The following EFHC1 variants were observed in gnomAD, a reference collection of about 807,000 sequenced individuals.
EFHC1 encodes EF-hand domain-containing protein 1.
In EFHC1, 53 loss-of-function variants were observed where a neutral mutation model predicts 69.9. The ratio of observed to expected loss-of-function variants is 0.76; its 90% confidence interval spans 0.61 to 0.95. The LOEUF is 0.95. Ranked by LOEUF, EFHC1 falls within the 40% of genes least tolerant of loss-of-function variation. The pLI is 0.00. For synonymous variants in EFHC1, 256 were observed against 278.4 expected, an observed-to-expected ratio of 0.92 and a Z score of 0.80; for missense variants, 739 against 798.7, an observed-to-expected ratio of 0.93 and a Z score of 0.90.
chr6:52,464,188 A>T (rs1765240896), intron 5 of EFHC1, among the ~76,000 whole-genome samples: 1 of 152,232 alleles, frequency 6.6e-6, no homozygotes, highest in Non-Finnish European at 1.5e-5. Flanking sequence ...TGAAACAGTA[A>T]GACAAGAATG....
At chr6:52,434,711 A>G (rs1032626637) in intron 2 of EFHC1, among the ~76,000 whole-genome samples, 3 of 152,334 alleles carry the variant, frequency 2.0e-5, no homozygotes, top group African/African-American at 2.4e-5. Context: ...TCCATCTGCC[A>G]TGATTCCAGG....
chr6:52,494,467 G>A lies in EFHC1; in HGVS notation c.*2126G>A, dbSNP rs774692417. 5.1e-5 allele frequency: 23 copies of A among 454,000 alleles called. No homozygotes were observed. Among genetic ancestry groups the A allele is most frequent in the Admixed American group, 1.6e-4 (7 of 42,546 alleles). 28.1% of individuals were successfully genotyped at this position (454,000 alleles called of 1,614,324 possible). On this transcript the variant is annotated 3_prime_UTR_variant, in exon 11 of 11. Transcript: ENST00000371068. Reference sequence around the variant, plus strand: ...ATGTAGGCTCTGGGAAAGGTTAAGCGGGTAGAAACCAGAGAAAAAGGGCAA... The same window carrying A: ...ATGTAGGCTCTGGGAAAGGTTAAGCAGGTAGAAACCAGAGAAAAAGGGCAA...
rs115035804 is a variant in EFHC1 at position 52,492,818 on chromosome 6, G to C, written c.*477G>C. 5 of 440,910 alleles carry C rather than the reference G, an allele frequency of 1.1e-5. No homozygotes were observed. The highest frequency in any genetic ancestry group is 9.9e-5 in the Admixed American group (4 of 40,606). The allele number at this position is 440,910 out of a possible 1,614,324, so 27.3% of individuals were successfully genotyped here. ...ATTTTGTAGAGACAAGGTCTTGCTA[G>C]GTTGCCTGAACTTGTCTCAAACTCA... On this transcript the variant is annotated 3_prime_UTR_variant, in exon 11 of 11. Coordinates refer to ENST00000371068, the MANE Select transcript of EFHC1 (RefSeq NM_018100.4).
chr6:52,491,261 C>T (rs1765896393), intron 10 of EFHC1, among the ~76,000 whole-genome samples: 1 of 152,210 alleles, frequency 6.6e-6, no homozygotes, highest in African/African-American at 2.4e-5. Context: ...ATTCTTCATA[C>T]TGTCTGATGT....
At chr6:52,482,352 A>C (rs1221525984) in intron 9 of EFHC1, 1 of 152,372 alleles carries the variant, frequency 6.6e-6, no homozygotes, top group Admixed American at 6.5e-5. Flanking sequence ...CAAAAAAAAA[A>C]AAAATTTGTC....
intron 2 of EFHC1, among the ~76,000 whole-genome samples, chr6:52,427,015 G>A (rs1335391461): frequency 6.6e-6 from 1 of 152,144 alleles, no homozygotes; most frequent in Non-Finnish European, 1.5e-5. Context: ...TCACCTCACT[G>A]TGACATGAAA....
chr6:52,464,216 C>A (rs555824517), intron 5 of EFHC1, among the ~76,000 whole-genome samples: 1 of 152,254 alleles, frequency 6.6e-6, no homozygotes, highest in East Asian at 1.9e-4. Context: ...TCCACAAATG[C>A]AAGATTGATT....
At chr6:52,460,972 A>G (rs542565021) in intron 5 of EFHC1, among the ~76,000 whole-genome samples, 4 of 152,238 alleles carry the variant, frequency 2.6e-5, no homozygotes, top group African/African-American at 4.8e-5. Flanking sequence ...AAAGAACAAT[A>G]TTGAATTTGT....
rs772150303 is a variant in EFHC1, at chr6:52,420,426, G to A, written c.16G>A (p.Val6Met). MVSNP[V>M]HGLPFLPGTS... ...ACCGGCTGCAATGGTGTCCAATCCC[G>A]TGCATGGCTTGCCCTTTCTTCCGGG... The change falls in exon 1 of 11, where the codon GTG becomes ATG. Residue 6 changes from valine to methionine, a missense_variant. Coordinates refer to ENST00000371068, the MANE Select transcript of EFHC1 (RefSeq NM_018100.4). 1.1e-5 allele frequency: 18 copies of A among 1,614,124 alleles called. No individual in the cohort carries two copies. The highest frequency in any genetic ancestry group is 1.4e-5 in the Non-Finnish European group (16 of 1,180,054).
At chr6:52,470,131 C>A (rs1225895666) in intron 7 of EFHC1, among the ~76,000 whole-genome samples, 1 of 152,002 alleles carries the variant, frequency 6.6e-6, no homozygotes, top group Non-Finnish European at 1.5e-5. Context: ...GAATTAGGAG[C>A]TGGGGGTAGG....
At chr6:52,478,930 C>A in intron 7 of EFHC1, 107 bp from the exon 8 acceptor site, 1 of 1,064,260 alleles carries the variant, frequency 9.4e-7, no homozygotes, top group Non-Finnish European at 1.4e-6. Flanking sequence ...TGTAAAAACC[C>A]AGACTGCTTC....
chr6:52,470,235 G>T (rs1391327812), intron 7 of EFHC1, among the ~76,000 whole-genome samples: 2 of 152,068 alleles, frequency 1.3e-5, no homozygotes, highest in Non-Finnish European at 2.9e-5. Context: ...GAAAACGATT[G>T]CACAAAGCTT....
At position 52,492,530 on chromosome 6, in the gene EFHC1, G is replaced by T. The variant is rs1235036651; in HGVS notation, c.*189G>T. On this transcript the variant is annotated 3_prime_UTR_variant, in exon 11 of 11. Transcript: ENST00000371068. Reference sequence around the variant, plus strand: ...ATCTAAGATTGGTGCCTTATTTAGGGTGATAGGGGTATAGCAATGTCTAAT... The same window carrying T: ...ATCTAAGATTGGTGCCTTATTTAGGTTGATAGGGGTATAGCAATGTCTAAT... The T allele has an allele frequency of 1.4e-6, 1 of 701,562 alleles. No homozygotes were observed. The highest frequency in any genetic ancestry group is 1.5e-5 in the South Asian group (1 of 66,818). The allele number at this position is 701,562 out of a possible 1,614,324, so 43.5% of individuals were successfully genotyped here. A position where few individuals can be genotyped will look rare whatever the true frequency, so the allele number is the denominator to read the frequency against.
chr6:52,432,299 G>T (rs1473808799), intron 2 of EFHC1, among the ~76,000 whole-genome samples: 4 of 152,006 alleles, frequency 2.6e-5, no homozygotes, highest in Non-Finnish European at 5.9e-5. Context: ...TGTTTTATAG[G>T]TCCTGTGAGA....
chr6:52,476,141 C>A (rs1463238993), intron 7 of EFHC1, among the ~76,000 whole-genome samples: 1 of 151,968 alleles, frequency 6.6e-6, no homozygotes, highest in African/African-American at 2.4e-5. Flanking sequence ...TATAACAAGG[C>A]CAGAGGAATG....
chr6:52,483,495 C>T, intron 9 of EFHC1: 1 of 152,200 alleles, frequency 6.6e-6, no homozygotes, highest in Non-Finnish European at 1.5e-5. Flanking sequence ...AGGGATACCC[C>T]ATAGGCATTG....
intron 9 of EFHC1, 70 bp from the exon 10 acceptor site, chr6:52,490,070 C>G (rs749684105): frequency 4.4e-5 from 63 of 1,421,024 alleles, no homozygotes; most frequent in Non-Finnish European, 6.1e-5. Flanking sequence ...CAAGTAAGAA[C>G]TTTGGTCACC....
chr6:52,447,201 G>A (rs1764806876), intron 3 of EFHC1, among the ~76,000 whole-genome samples: 1 of 152,208 alleles, frequency 6.6e-6, no homozygotes, highest in East Asian at 1.9e-4. Flanking sequence ...AGGTACACCA[G>A]TCAGACGTAG....
chr6:52,492,298 G>T lies in EFHC1; in HGVS notation c.1880G>T (p.Gly627Val). 6.2e-7 allele frequency: 1 copy of T among 1,613,982 alleles called. No homozygotes were observed. The highest frequency in any genetic ancestry group is 8.5e-7 in the Non-Finnish European group (1 of 1,179,936). ...ELIRMCSHGE[G>V]KINYYNFVRA... ...ATCAGGATGTGCTCTCATGGAGAAG[G>T]CAAAATTAACTACTATAACTTTGTT... Residue 627 changes from glycine to valine, a missense_variant, in exon 11 of 11, where the codon GGC (glycine) becomes GTC (valine). By Grantham distance (109) the Gly-to-Val change is moderately radical. Coordinates refer to ENST00000371068, the MANE Select transcript of EFHC1 (RefSeq NM_018100.4).
Sources: allele counts gnomAD v4.1 joint callset (sites outside exome capture counted in the v4.1 genomes callset), GRCh38; gene constraint gnomAD v4.1.1; transcripts MANE v1.5; gene names NCBI Gene and HGNC (gene_info 2026-07-23, HGNC 2026-07-21).